Variants in SLC38A8 observed in about 807,000 individuals in gnomAD.
SLC38A8 encodes amino acid transporter SLC38A8.
A neutral mutation model predicts 46.0 loss-of-function variants in SLC38A8; 65 were observed. The ratio of observed to expected loss-of-function variants is 1.41; its 90% CI spans 1.16 to 1.74. The LOEUF is 1.74. SLC38A8 is among the 40% of genes most tolerant of loss of function. SLC38A8 has a pLI of 0.00. For missense variants in SLC38A8, 998 were observed against 567.9 expected (o/e 1.76, Z -7.70); for synonymous variants, 447 against 243.7 (o/e 1.83, Z -7.77).
chr16:84,024,367 T>C (rs139418573), intron 6 of SLC38A8, among the ~76,000 whole-genome samples: 123 of 152,252 alleles, frequency 8.1e-4, no homozygotes, highest in African/African-American at 2.8e-3. Context: ...TTGGTAGAGA[T>C]GACTTCTTAC....
intron 6 of SLC38A8, among the ~76,000 whole-genome samples, chr16:84,027,027 G>T (rs772943415): frequency 3.3e-5 from 5 of 152,116 alleles, no homozygotes; most frequent in Non-Finnish European, 5.9e-5. Flanking sequence ...CACGGTATAT[G>T]CATCCTATCT....
rs190855634 is a variant in SLC38A8 at position 84,009,919 on chromosome 16, T to C, written c.1215-42A>G. 744 of 1,583,708 alleles carry C rather than the reference T, an allele frequency of 4.7e-4. 1 individual carries two copies. Among genetic ancestry groups the C allele is most frequent in the East Asian group, 2.2e-3 (96 of 44,610 alleles). ...CCCATGTCAGAGCTTTTCTGGATTT[T>C]TGCACAAATAAGCCACACACACATA... On this transcript the variant is annotated intron_variant, in intron 10 of 10. Coordinates refer to ENST00000299709, the MANE Select transcript of SLC38A8 (RefSeq NM_001080442.3).
At chr16:84,039,346 C>T (rs569643323) in intron 2 of SLC38A8, among the ~76,000 whole-genome samples, 1 of 152,220 alleles carries the variant, frequency 6.6e-6, no homozygotes, top group Non-Finnish European at 1.5e-5. Flanking sequence ...CCAATGTCCT[C>T]TCACCCACGC....
chr16:84,038,590 G>C (rs1013568314), intron 2 of SLC38A8, among the ~76,000 whole-genome samples: 1 of 152,182 alleles, frequency 6.6e-6, no homozygotes, highest in African/African-American at 2.4e-5. Flanking sequence ...CTTGTAGGGT[G>C]AATATTTACA....
intron 9 of SLC38A8, among the ~76,000 whole-genome samples, chr16:84,014,622 C>T (rs2085003052): frequency 6.6e-6 from 1 of 152,252 alleles, no homozygotes; most frequent in South Asian, 2.1e-4. Flanking sequence ...GAGCTCTGGG[C>T]AGAGCCAGGA....
chr16:84,021,228 T>G (rs941368875), intron 7 of SLC38A8, among the ~76,000 whole-genome samples: 1 of 152,240 alleles, frequency 6.6e-6, no homozygotes, highest in East Asian at 1.9e-4. Flanking sequence ...CATGCTCGGC[T>G]AATTTTTTGT....
chr16:84,010,067 ATT>A (rs397855804), intron 10 of SLC38A8, among the ~76,000 whole-genome samples, 190 bp from the exon 11 acceptor site: 13 of 111,932 alleles, frequency 1.2e-4, no homozygotes, highest in South Asian at 2.8e-4. Context: ...TACCCAGGCA[ATT>A]TTTTTTTTTT....
intron 7 of SLC38A8, among the ~76,000 whole-genome samples, chr16:84,020,538 C>T (rs1043305825): frequency 3.3e-5 from 5 of 152,220 alleles, no homozygotes; most frequent in African/African-American, 4.8e-5. Context: ...ACGCACGCAT[C>T]CTGCCAAGGT....
chr16:84,028,193 G>A (rs8057907), intron 6 of SLC38A8, among the ~76,000 whole-genome samples: 9,596 of 152,136 alleles, frequency 0.063, 458 homozygotes, highest in East Asian at 0.19. Context: ...ATCTCCCTGT[G>A]GACTTGATTT....
At chr16:84,012,293 TC>T (rs1434167139) in intron 10 of SLC38A8, among the ~76,000 whole-genome samples, 1 of 152,182 alleles carries the variant, frequency 6.6e-6, no homozygotes, top group African/African-American at 2.4e-5. Context: ...ATCGTCCTCT[TC>T]CGTGGGTCAG....
At chr16:84,020,143 T>TG (rs993603917) in intron 7 of SLC38A8, among the ~76,000 whole-genome samples, 5 of 47,396 alleles carry the variant, frequency 1.1e-4, no homozygotes, top group African/African-American at 3.7e-4. Flanking sequence ...CATCCGTTGT[T>TG]TTTTTTTTTT....
At chr16:84,029,976 G>A (rs954664266) in intron 5 of SLC38A8, among the ~76,000 whole-genome samples, 4 of 152,166 alleles carry the variant, frequency 2.6e-5, no homozygotes, top group African/African-American at 9.7e-5. Flanking sequence ...GTCTGCGTGG[G>A]GAGAACCTCC....
rs73247353 is a variant in SLC38A8, at chr16:84,028,836, A to C, written c.690+658T>G. Among the ~76,000 whole-genome samples, 434 of 152,186 alleles carry C rather than the reference A, an allele frequency of 2.9e-3. 3 individuals are homozygous for C. Among genetic ancestry groups the C allele is most frequent in the African/African-American group, 9.2e-3 (383 of 41,512 alleles). On this transcript the variant is annotated intron_variant, in intron 6 of 10. Transcript: ENST00000299709. ...TCCTCTCTACCTGGGGTGCGCTTCC[A>C]GTCACCTGGCTGCTGCCCATACATC...
chr16:84,033,587 G>T, intron 3 of SLC38A8, 118 bp from the exon 4 acceptor site: 1 of 1,219,386 alleles, frequency 8.2e-7, no homozygotes, highest in Non-Finnish European at 1.1e-6. Flanking sequence ...AGCCCCAGGA[G>T]CCCAGGGATC....
At chr16:84,009,968 G>C in intron 10 of SLC38A8, 91 bp from the exon 11 acceptor site, 4 of 977,288 alleles carry the variant, frequency 4.1e-6, no homozygotes, top group Non-Finnish European at 5.9e-6. Flanking sequence ...GTAGAGCCCA[G>C]TATGGAGTCA....
Position 84,014,068 on chromosome 16 carries a change from A to G in SLC38A8, c.1163-1016T>C, listed in dbSNP as rs1597248901. ...TGTGTGACCACACTCTCATCTCTGAAAGGCCCGCCCAGAGCTGAGGGAGGA... is the reference window on the plus strand; with the variant it reads ...TGTGTGACCACACTCTCATCTCTGAGAGGCCCGCCCAGAGCTGAGGGAGGA... On this transcript the variant is annotated intron_variant, in intron 9 of 10. Coordinates refer to ENST00000299709, the MANE Select transcript of SLC38A8 (RefSeq NM_001080442.3). Among the ~76,000 whole-genome samples the G allele has an allele frequency of 3.9e-5, 6 of 151,924 alleles. No homozygotes were observed. The South Asian group carries it at 1.2e-3, about 32-fold the overall frequency.
chr16:84,024,270 G>A (rs1055179520), intron 6 of SLC38A8, among the ~76,000 whole-genome samples: 7 of 152,178 alleles, frequency 4.6e-5, no homozygotes, highest in Non-Finnish European at 7.3e-5. Flanking sequence ...GGGTTCCCGG[G>A]GGCTTGACCA....
rs181555400 is a variant in SLC38A8 at position 84,026,610 on chromosome 16, G to A, written c.690+2884C>T. ...AGGTGGTGGCAGTGGGCAGTTGCTC[G>A]GTGATGGAAGGAGACAGGAAGACGA... is the stretch of plus-strand genomic sequence containing the variant. On this transcript the variant is annotated intron_variant, in intron 6 of 10. Coordinates refer to ENST00000299709, the MANE Select transcript of SLC38A8 (RefSeq NM_001080442.3). Among the ~76,000 whole-genome samples the A allele has an allele frequency of 1.3e-3, 205 of 152,308 alleles. 3 individuals carry two copies. The highest frequency in any genetic ancestry group is 4.7e-3 in the African/African-American group (194 of 41,548).
intron 10 of SLC38A8, among the ~76,000 whole-genome samples, chr16:84,012,623 T>A (rs148815945): frequency 0.014 from 2,117 of 152,312 alleles, 28 homozygotes; most frequent in Non-Finnish European, 0.018. Context: ...ACTGCTGTGA[T>A]GATGGTGTCT....
Sources: gnomAD v4.1 joint callset for allele counts (sites outside exome capture counted in the v4.1 genomes callset) on GRCh38, gnomAD v4.1.1 for gene constraint, MANE v1.5 for transcripts, NCBI Gene and HGNC (gene_info 2026-07-23, HGNC 2026-07-21) for gene names.